MAEL: variants seen among roughly 807,000 people sequenced by gnomAD.
The protein encoded by MAEL is protein maelstrom homolog.
Under a neutral mutation model 62.0 loss-of-function variants are expected in MAEL, and 46 were observed. That is an observed-to-expected ratio of 0.74 (90% CI 0.59 to 0.95). MAEL has a LOEUF of 0.95. Among genes scored for constraint, MAEL ranks in the 40% least tolerant of loss-of-function variants. The probability of loss-of-function intolerance (pLI) is 0.00; values close to 1 mark genes in which losing one functional copy is unlikely to be tolerated. For synonymous variants in MAEL, 172 were observed against 175.5 expected, an observed-to-expected ratio of 0.98 and a Z score of 0.16; for missense variants, 497 against 526.8, an observed-to-expected ratio of 0.94 and a Z score of 0.55.
intron 8 of MAEL, among the ~76,000 whole-genome samples, chr1:167,011,964 G>A (rs1230236266): frequency 1.3e-5 from 2 of 152,142 alleles, no homozygotes; most frequent in East Asian, 1.9e-4. Flanking sequence ...GGTCCATGCC[G>A]TGGGATTTTG....
intron 10 of MAEL, among the ~76,000 whole-genome samples, chr1:167,020,273 C>A (rs1665569530): frequency 6.6e-6 from 1 of 152,156 alleles, no homozygotes; most frequent in Non-Finnish European, 1.5e-5. Context: ...TTTTCCACTG[C>A]CTTGCATGCA....
upstream of MAEL, chr1:166,989,244 A>C (rs1664040483): frequency 2.9e-6 from 4 of 1,393,238 alleles, no homozygotes; most frequent in East Asian, 7.5e-5. Context: ...ATTGGCCGAG[A>C]GTTGCGGGCT....
chr1:166,994,229 A>C (rs1330789939), intron 5 of MAEL, among the ~76,000 whole-genome samples, 160 bp downstream of exon 5: 1 of 152,186 alleles, frequency 6.6e-6, no homozygotes, highest in Non-Finnish European at 1.5e-5. Flanking sequence ...GTGATCTTTA[A>C]ATTTTTTATA....
intron 5 of MAEL, among the ~76,000 whole-genome samples, chr1:167,003,132 A>G (rs1664745847): frequency 6.6e-6 from 1 of 152,162 alleles, no homozygotes; most frequent in Admixed American, 6.6e-5. Flanking sequence ...TCATTCACTC[A>G]GGCTGGAGTG....
chr1:166,986,891 T>C (rs1298070591), upstream of MAEL, among the ~76,000 whole-genome samples: 1 of 151,310 alleles, frequency 6.6e-6, no homozygotes, highest in Non-Finnish European at 1.5e-5. Context: ...ATTTGGCAAG[T>C]ATTAAGGAAA....
chr1:166,999,012 C>G (rs1461167524), intron 5 of MAEL, among the ~76,000 whole-genome samples: 3 of 152,044 alleles, frequency 2.0e-5, no homozygotes, highest in Non-Finnish European at 4.4e-5. Flanking sequence ...GACTGCTCCC[C>G]TGACTGGCCA....
chr1:166,998,781 C>T (rs1664534968), intron 5 of MAEL, among the ~76,000 whole-genome samples: 1 of 152,170 alleles, frequency 6.6e-6, no homozygotes, highest in African/African-American at 2.4e-5. Context: ...CTGCATTGAG[C>T]AAGTCTATTG....
rs541639277 is a variant in MAEL at position 166,992,911 on chromosome 1, G to C, written c.481+70G>C. On this transcript the variant is annotated intron_variant, in intron 4 of 11. Coordinates refer to ENST00000367872, the MANE Select transcript of MAEL (RefSeq NM_032858.3). Reference sequence around the variant, plus strand: ...TTTTTTTTAAATCTTGACTTTATTTGATAATAGTACTTTTTCTTACAAGCT... The same window carrying C: ...TTTTTTTTAAATCTTGACTTTATTTCATAATAGTACTTTTTCTTACAAGCT... 3 of 1,263,822 alleles carry C rather than the reference G, an allele frequency of 2.4e-6. No homozygotes were observed. The South Asian group carries it at 5.1e-5, about 21-fold the overall frequency. 78.3% of individuals were successfully genotyped at this position (1,263,822 alleles called of 1,614,324 possible).
chr1:166,997,604 A>G (rs1312395945), intron 5 of MAEL, among the ~76,000 whole-genome samples: 1 of 152,186 alleles, frequency 6.6e-6, no homozygotes, highest in Non-Finnish European at 1.5e-5. Flanking sequence ...TCACAGATGC[A>G]GTCGTAGCTC....
chr1:166,982,708 T>C (rs1468811342), intron 1 of MAEL, among the ~76,000 whole-genome samples: 2 of 152,182 alleles, frequency 1.3e-5, no homozygotes, highest in African/African-American at 4.8e-5. Flanking sequence ...TTTCCCCCAA[T>C]TTAGACAAAA....
intron 8 of MAEL, among the ~76,000 whole-genome samples, chr1:167,008,297 T>C (rs1204012159): frequency 1.3e-5 from 2 of 152,118 alleles, no homozygotes; most frequent in Non-Finnish European, 2.9e-5. Flanking sequence ...TTTCTGTTCT[T>C]CTATGGAAAT....
intron 1 of MAEL, among the ~76,000 whole-genome samples, chr1:166,975,965 C>T (rs531133328): frequency 6.6e-6 from 1 of 152,230 alleles, no homozygotes; most frequent in Admixed American, 6.5e-5. Flanking sequence ...AGCAAGTCCT[C>T]TAGGCTAGAA....
intron 5 of MAEL, among the ~76,000 whole-genome samples, chr1:166,996,124 A>G (rs1248871092): frequency 1.3e-5 from 2 of 152,218 alleles, no homozygotes; most frequent in African/African-American, 4.8e-5. Flanking sequence ...AAAAATGACT[A>G]TTAGAGTCAC....
Position 166,995,713 on chromosome 1 carries a change from G to A in MAEL, c.523+1644G>A, listed in dbSNP as rs1056560285. On this transcript the variant is annotated intron_variant, in intron 5 of 11. Transcript: ENST00000367872. The stretch of plus-strand genomic sequence containing the variant: ...ATAAAAAAAAAATGGAAACTTAGCC[G>A]GTGAATTAATTTTCAAGTTTTACTT... Among the ~76,000 whole-genome samples, 11 of 151,732 alleles carry A rather than the reference G, an allele frequency of 7.2e-5. No individual in the cohort carries two copies. The South Asian group carries it at 8.3e-4, about 11-fold the overall frequency.
chr1:167,005,024 A>C (rs190534674), intron 6 of MAEL, 52 bp from the exon 7 acceptor site: 165 of 1,553,324 alleles, frequency 1.1e-4, no homozygotes, highest in Non-Finnish European at 1.4e-4. Flanking sequence ...TCAAAGTAGG[A>C]GAAGATACAA....
At chr1:166,982,185 T>G in intron 1 of MAEL, among the ~76,000 whole-genome samples, 1 of 152,216 alleles carries the variant, frequency 6.6e-6, no homozygotes, top group East Asian at 1.9e-4. Flanking sequence ...TCAAACAATG[T>G]CTAGATGGTA....
At chr1:166,999,075 A>G (rs1664551455) in intron 5 of MAEL, among the ~76,000 whole-genome samples, 1 of 152,178 alleles carries the variant, frequency 6.6e-6, no homozygotes, top group Non-Finnish European at 1.5e-5. Context: ...AAGACACAAC[A>G]ATATTGAAAT....
Position 166,994,268 on chromosome 1 carries a change from T to C in MAEL, c.523+199T>C, listed in dbSNP as rs545608845. Among the ~76,000 whole-genome samples, 24 of 152,328 alleles carry C rather than the reference T, an allele frequency of 1.6e-4. 1 individual carries two copies. Among genetic ancestry groups the C allele is most frequent in the Admixed American group, 1.4e-3 (22 of 15,300 alleles). Reference sequence around the variant, plus strand: ...TGATAGTATACTGTCCCTTTTCTTTTCAGGGAATTGTTTTATTTTCTGTAT... The same window carrying C: ...TGATAGTATACTGTCCCTTTTCTTTCCAGGGAATTGTTTTATTTTCTGTAT... On this transcript the variant is annotated intron_variant, in intron 5 of 11. Transcript: ENST00000367872.
At chr1:166,992,586 T>C in intron 3 of MAEL, 100 bp from the exon 4 acceptor site, 4 of 809,370 alleles carry the variant, frequency 4.9e-6, no homozygotes, top group Non-Finnish European at 7.3e-6. Context: ...AGAAAGAAAA[T>C]TGTTCTAAAA....
Sources: gnomAD v4.1 joint callset for allele counts (sites outside exome capture counted in the v4.1 genomes callset) on GRCh38, gnomAD v4.1.1 for gene constraint, MANE v1.5 for transcripts, NCBI Gene and HGNC (gene_info 2026-07-23, HGNC 2026-07-21) for gene names.